Variants in MAPKAP1 observed in about 807,000 individuals in gnomAD.
MAPKAP1 encodes MAPK associated protein 1, also known as target of rapamycin complex 2 subunit MAPKAP1.
Under a neutral mutation model 65.7 loss-of-function variants are expected in MAPKAP1, and 20 were observed. That is an observed-to-expected ratio of 0.30 (90% CI 0.21 to 0.44). The LOEUF (loss-of-function observed/expected upper bound fraction) is 0.44, where lower values mean the gene tolerates loss of function less well. Ranked by LOEUF, MAPKAP1 falls within the 20% of genes least tolerant of loss-of-function variation. The pLI, the probability that MAPKAP1 is intolerant of heterozygous loss-of-function variation, is 1.00. For synonymous variants in MAPKAP1, 222 were observed against 244.3 expected (o/e 0.91, Z 0.85); for missense variants, 423 against 648.0 (o/e 0.65, Z 3.77).
rs542563747 is a variant in MAPKAP1, at chr9:125,528,073, C to T, written c.958+14986G>A. 4.6e-5 allele frequency among the ~76,000 whole-genome samples: 7 copies of T among 152,296 alleles called. No homozygotes were observed. The South Asian group carries it at 6.2e-4, about 14-fold the overall frequency. On this transcript the variant is annotated intron_variant, in intron 7 of 11. Transcript: ENST00000265960. ...CTAACCACCAACCCTGGGCCAGCTG[C>T]GGTGCTGGTAAACCATAAGGAACCT...
intron 1 of MAPKAP1, among the ~76,000 whole-genome samples, chr9:125,701,820 C>G (rs891842707): frequency 1.3e-5 from 2 of 152,226 alleles, no homozygotes; most frequent in Non-Finnish European, 1.5e-5. Context: ...ATCTCACCAG[C>G]CAGATCTATA....
intron 4 of MAPKAP1, among the ~76,000 whole-genome samples, chr9:125,608,659 C>T (rs750137069): frequency 2.0e-5 from 3 of 152,176 alleles, no homozygotes; most frequent in Non-Finnish European, 2.9e-5. Flanking sequence ...TTGTCTTCTG[C>T]GCAGCCACTG....
At position 125,658,135 on chromosome 9, in the gene MAPKAP1, T is replaced by G. The variant is rs184151088; in HGVS notation, c.350-336A>C. On this transcript the variant is annotated intron_variant, in intron 3 of 11. Coordinates refer to ENST00000265960, the MANE Select transcript of MAPKAP1 (RefSeq NM_001006617.3). ...CTACTAACGGCAAGCTATGTGACAG[T>G]AGACACTTCTCTAAACCTTTCTGGG... Among the ~76,000 whole-genome samples the G allele has an allele frequency of 1.2e-4, 18 of 151,120 alleles. 1 individual carries two copies. Among genetic ancestry groups the G allele is most frequent in the Admixed American group, 9.2e-4 (14 of 15,224 alleles).
intron 10 of MAPKAP1, among the ~76,000 whole-genome samples, chr9:125,451,772 C>G (rs1181027062): frequency 6.7e-6 from 1 of 149,922 alleles, no homozygotes; most frequent in East Asian, 1.9e-4. Flanking sequence ...TTCTTTTGAT[C>G]ATGTCTTCTG....
chr9:125,624,465 C>T (rs1649034303), intron 4 of MAPKAP1, among the ~76,000 whole-genome samples: 1 of 112,592 alleles, frequency 8.9e-6, no homozygotes. Flanking sequence ...CGGCCAGCCG[C>T]CCCGTCCGGG....
chr9:125,575,324 C>T (rs143942242), intron 5 of MAPKAP1, among the ~76,000 whole-genome samples: 275 of 152,164 alleles, frequency 1.8e-3, no homozygotes, highest in African/African-American at 6.0e-3. Flanking sequence ...ATTGCACAAC[C>T]GCACTCCAAC....
At chr9:125,551,789 TCA>T (rs1177215151) in intron 6 of MAPKAP1, among the ~76,000 whole-genome samples, 1 of 152,180 alleles carries the variant, frequency 6.6e-6, no homozygotes, top group African/African-American at 2.4e-5. Context: ...CAATTCAGTC[TCA>T]CAAATTCTGA....
intron 6 of MAPKAP1, among the ~76,000 whole-genome samples, chr9:125,552,915 C>A (rs539466925): frequency 9.9e-5 from 15 of 152,146 alleles, no homozygotes; most frequent in African/African-American, 3.4e-4. Context: ...AAATTAAAAA[C>A]AATTTTGATT....
intron 9 of MAPKAP1, among the ~76,000 whole-genome samples, chr9:125,472,706 T>C (rs1035196530): frequency 1.3e-5 from 2 of 152,174 alleles, no homozygotes; most frequent in African/African-American, 4.8e-5. Context: ...CCAACAATGA[T>C]GAAATACAAG....
chr9:125,553,362 C>T (rs1291056559), intron 6 of MAPKAP1, among the ~76,000 whole-genome samples: 2 of 152,014 alleles, frequency 1.3e-5, no homozygotes, highest in South Asian at 2.1e-4. Flanking sequence ...GCCAACATGG[C>T]GAAAACCCAT....
intron 1 of MAPKAP1, among the ~76,000 whole-genome samples, chr9:125,679,004 AT>A (rs57513847): frequency 0.95 from 138,539 of 145,498 alleles, 66,172 homozygotes; most frequent in South Asian, 1. Context: ...AATAAACACA[AT>A]TTTTTTTTTT....
intron 9 of MAPKAP1, among the ~76,000 whole-genome samples, chr9:125,482,443 A>G (rs1055025272): frequency 3.9e-5 from 6 of 152,316 alleles, no homozygotes; most frequent in Middle Eastern, 3.4e-3. Context: ...CTTTTTGATC[A>G]GTCTTATTTC....
chr9:125,559,334 A>C (rs557025998), intron 6 of MAPKAP1: 6 of 220,808 alleles, frequency 2.7e-5, no homozygotes, highest in African/African-American at 1.4e-4. Flanking sequence ...GCAAACCTAG[A>C]AGTTTTGCTT....
chr9:125,523,056 G>C (rs925361787), intron 7 of MAPKAP1, among the ~76,000 whole-genome samples: 1 of 152,176 alleles, frequency 6.6e-6, no homozygotes, highest in African/African-American at 2.4e-5. Context: ...AATAGGGAAA[G>C]TTGCACCAGT....
At chr9:125,692,655 T>C (rs1300280496) in intron 1 of MAPKAP1, among the ~76,000 whole-genome samples, 5 of 152,192 alleles carry the variant, frequency 3.3e-5, no homozygotes, top group Non-Finnish European at 7.4e-5. Context: ...ATGCGAATTA[T>C]ATCTCAATTT....
intron 8 of MAPKAP1, among the ~76,000 whole-genome samples, chr9:125,499,854 G>A (rs891767062): frequency 6.6e-6 from 1 of 152,114 alleles, no homozygotes; most frequent in Non-Finnish European, 1.5e-5. Context: ...AGGTGTGGTA[G>A]TGTGTGCCCG....
intron 1 of MAPKAP1, among the ~76,000 whole-genome samples, chr9:125,684,842 C>CG (rs554113556): frequency 4.0e-4 from 61 of 152,132 alleles, no homozygotes; most frequent in Non-Finnish European, 7.2e-4. Context: ...CTACCACACC[C>CG]GGCTAATTTT....
chr9:125,527,306 T>C (rs1829801232), intron 7 of MAPKAP1, among the ~76,000 whole-genome samples: 1 of 152,124 alleles, frequency 6.6e-6, no homozygotes, highest in Non-Finnish European at 1.5e-5. Flanking sequence ...GACCTCCTGA[T>C]CCACCCACCT....
intron 1 of MAPKAP1, among the ~76,000 whole-genome samples, chr9:125,706,591 G>C (rs1348280637): frequency 6.6e-6 from 1 of 152,000 alleles, no homozygotes; most frequent in Admixed American, 6.6e-5. Context: ...CTCTTTAAGG[G>C]GGAGGGGGAG....
Sources: gnomAD v4.1 joint callset for allele counts (sites outside exome capture counted in the v4.1 genomes callset) on GRCh38, gnomAD v4.1.1 for gene constraint, MANE v1.5 for transcripts, NCBI Gene and HGNC (gene_info 2026-07-23, HGNC 2026-07-21) for gene names.